The following ELAC2 variants were observed in gnomAD, a reference collection of about 807,000 sequenced individuals.
ELAC2 encodes the protein elaC ribonuclease Z 2.
ELAC2 carries 92 observed loss-of-function variants against 105.2 expected under a neutral mutation model. The observed-to-expected ratio is 0.87, with a 90% CI of 0.74 to 1.04. The LOEUF is 1.04. ELAC2 is among the 50% of genes least tolerant of loss of function. The pLI, the probability that ELAC2 is intolerant of heterozygous loss-of-function variation, is 0.00. For missense variants in ELAC2, 1,099 were observed against 1,071.7 expected (o/e 1.03, Z -0.36); for synonymous variants, 468 against 409.1 (o/e 1.14, Z -1.74).
intron 1 of ELAC2, 102 bp downstream of exon 1, chr17:13,017,601 A>G (rs1598279876): frequency 5.1e-6 from 8 of 1,580,190 alleles, no homozygotes; most frequent in Middle Eastern, 1.8e-4. Flanking sequence ...AGTGAACCAC[A>G]TGTGTGAAGC....
intron 12 of ELAC2, 176 bp from the exon 13 acceptor site, chr17:13,002,755 C>T (rs929684932): frequency 1.9e-5 from 19 of 1,001,878 alleles, no homozygotes; most frequent in Admixed American, 6.1e-5. Context: ...TCTCAAAGCC[C>T]GGTGTTCCCT....
chr17:12,996,513 A>G, intron 17 of ELAC2, 34 bp downstream of exon 17: 5 of 1,613,222 alleles, frequency 3.1e-6, no homozygotes, highest in Non-Finnish European at 3.4e-6. Flanking sequence ...TGCCTCCTCC[A>G]GGCTCCAGCT....
At chr17:13,003,700 G>A (rs1176174373) in intron 11 of ELAC2, 126 bp from the exon 12 acceptor site, 3 of 808,916 alleles carry the variant, frequency 3.7e-6, no homozygotes, top group Admixed American at 2.0e-5. Context: ...CAGCCTCCAC[G>A]CCCAGGCCAT....
chr17:12,995,605 TG>T, intron 19 of ELAC2, 97 bp downstream of exon 19: 3 of 1,192,746 alleles, frequency 2.5e-6, no homozygotes, highest in Non-Finnish European at 1.2e-6. Context: ...GCAAGGCTGC[TG>T]GGGGATATTG....
intron 22 of ELAC2, among the ~76,000 whole-genome samples, 185 bp downstream of exon 22, chr17:12,994,240 T>C (rs2040350242): frequency 2.0e-5 from 3 of 152,208 alleles, no homozygotes; most frequent in African/African-American, 7.2e-5. Flanking sequence ...GAATCTTGCT[T>C]AGAAAATTCT....
At chr17:12,995,523 A>G (rs771984010) in intron 19 of ELAC2, among the ~76,000 whole-genome samples, 180 bp downstream of exon 19, 1 of 152,252 alleles carries the variant, frequency 6.6e-6, no homozygotes, top group Non-Finnish European at 1.5e-5. Context: ...TTACATGGGA[A>G]CTATCTAATG....
At chr17:13,002,759 G>A (rs2143608271) in intron 12 of ELAC2, 180 bp from the exon 13 acceptor site, 1 of 954,630 alleles carries the variant, frequency 1.0e-6, no homozygotes, top group Non-Finnish European at 1.6e-6. Flanking sequence ...AAAGCCCGGT[G>A]TTCCCTAGCT....
In ELAC2 at chr17:12,995,810, T is replaced by C. The variant is rs898456068; in HGVS notation, c.1701A>G (p.Ala567=). ...AAGGGTGAAGCGGCTTTCCCAAAGA[T>C]GCCTGGAACAAAAAATGCAAGTGCC... The part of the protein sequence containing the change: ...SILLQRERAL[A]SLGKPLHPLL... The change falls in exon 19 of 24, where the codon GCA becomes GCG. Residue 567 remains alanine (A), a splice_region_variant and synonymous_variant. Coordinates refer to ENST00000338034, the MANE Select transcript of ELAC2 (RefSeq NM_018127.7). 10 of 1,609,372 alleles carry C rather than the reference T, an allele frequency of 6.2e-6. No individual in the cohort carries two copies. The Admixed American group carries it at 6.7e-5, about 11-fold the overall frequency.
chr17:12,994,356 G>A (rs1286929566), intron 22 of ELAC2, 69 bp downstream of exon 22: 31 of 1,563,250 alleles, frequency 2.0e-5, no homozygotes, highest in Admixed American at 6.7e-5. Flanking sequence ...GACAAACGAC[G>A]GCTGCTCAGT....
chr17:13,015,693 CA>C, intron 4 of ELAC2, 74 bp downstream of exon 4: 12 of 1,376,964 alleles, frequency 8.7e-6, no homozygotes, highest in Non-Finnish European at 1.1e-5. Flanking sequence ...GACTGATTTG[CA>C]AAAAGGAAAA....
At chr17:13,007,567 A>T (rs1567762360) in intron 8 of ELAC2, among the ~76,000 whole-genome samples, 1 of 152,176 alleles carries the variant, frequency 6.6e-6, no homozygotes, top group Non-Finnish European at 1.5e-5. Flanking sequence ...ATGGCAACTA[A>T]ATGTCTCTAA....
At chr17:13,014,099 C>G (rs1323952796) in intron 5 of ELAC2, among the ~76,000 whole-genome samples, 1 of 152,090 alleles carries the variant, frequency 6.6e-6, no homozygotes, top group African/African-American at 2.4e-5. Context: ...CGAGACTATC[C>G]TGGCCAACAT....
In ELAC2 at chr17:13,017,056, AAG is replaced by A. The variant is rs1267311389; in HGVS notation, c.296+13_296+14del. ...CGTAATCAACTCCCCCTCCGAAAGC[AAG>A]AGACTGACTCACTTGTGCTCCTGCA... On this transcript the variant is annotated intron_variant, in intron 2 of 23. Coordinates refer to ENST00000338034, the MANE Select transcript of ELAC2 (RefSeq NM_018127.7). 5 of 1,614,110 alleles carry A rather than the reference AAG, an allele frequency of 3.1e-6. No individual in the cohort carries two copies. Among genetic ancestry groups the A allele is most frequent in the Admixed American group, 3.3e-5 (2 of 60,020 alleles).
intron 11 of ELAC2, 109 bp from the exon 12 acceptor site, chr17:13,003,683 G>A: frequency 1.1e-6 from 1 of 947,616 alleles, no homozygotes; most frequent in South Asian, 1.4e-5. Context: ...GCACTGCAGT[G>A]AGCTGACAGC....
At chr17:13,008,259 C>A (rs1296836275) in intron 8 of ELAC2, among the ~76,000 whole-genome samples, 2 of 151,926 alleles carry the variant, frequency 1.3e-5, no homozygotes, top group Admixed American at 1.3e-4. Context: ...CGCCTGTAAT[C>A]CCAGCACTTT....
In ELAC2 at chr17:12,993,691, A is replaced by G. The variant is rs769686385; in HGVS notation, c.2249T>C (p.Met750Thr). 5.6e-6 allele frequency: 9 copies of G among 1,614,004 alleles called. No individual in the cohort carries two copies. In the African/African-American group the frequency reaches 1.2e-4, roughly 22 times the overall value. The change falls in exon 23 of 24, where the codon ATG becomes ACG. Residue 750 changes from methionine to threonine, a missense_variant. By Grantham distance (81) the Met-to-Thr change is moderately conservative. Transcript: ENST00000338034. ...SEKVGVAFDH[M>T]KVCFGDFPTM... ...CTGTCCGTGTGACATACAGACCTTC[A>G]TGTGGTCAAAGGCAACTCCCACTTT...
At chr17:13,013,703 C>G (rs1457054310) in intron 5 of ELAC2, among the ~76,000 whole-genome samples, 1 of 152,176 alleles carries the variant, frequency 6.6e-6, no homozygotes, top group African/African-American at 2.4e-5. Context: ...AGTGCCAGGA[C>G]AAGAGCCCTA....
intron 10 of ELAC2, 89 bp from the exon 11 acceptor site, chr17:13,005,190 C>T: frequency 1.1e-6 from 1 of 901,194 alleles, no homozygotes; most frequent in South Asian, 1.3e-5. Context: ...CATGACATAT[C>T]CTATCCAGTG....
chr17:13,006,149 T>A (rs1320412788), intron 8 of ELAC2, 170 bp from the exon 9 acceptor site: 14 of 685,592 alleles, frequency 2.0e-5, no homozygotes, highest in Non-Finnish European at 3.6e-5. Context: ...GGCGGGCAGA[T>A]CACCTGAGGT....
Sources: gnomAD v4.1 joint callset for allele counts (sites outside exome capture counted in the v4.1 genomes callset) on GRCh38, gnomAD v4.1.1 for gene constraint, MANE v1.5 for transcripts, NCBI Gene and HGNC (gene_info 2026-07-23, HGNC 2026-07-21) for gene names.